Variants in CCDC15 observed in about 807,000 individuals in gnomAD.
The protein encoded by CCDC15 is coiled-coil domain-containing protein 15.
A neutral mutation model predicts 114.5 loss-of-function variants in CCDC15; 105 were observed. That is an observed-to-expected ratio of 0.92 (90% CI 0.78 to 1.08). CCDC15 has a LOEUF of 1.08. Among genes scored for constraint, CCDC15 ranks in the 50% least tolerant of loss-of-function variants. CCDC15 has a pLI of 0.00. For synonymous variants in CCDC15, 334 were observed against 377.8 expected (o/e 0.88, Z 1.34); for missense variants, 1,105 against 1,093.6 (o/e 1.01, Z -0.15).
intron 4 of CCDC15, among the ~76,000 whole-genome samples, chr11:124,971,860 A>T (rs891868068): frequency 6.6e-6 from 1 of 152,130 alleles, no homozygotes; most frequent in Non-Finnish European, 1.5e-5. Context: ...TAATTAAAAA[A>T]AATTTAGGCA....
intron 13 of CCDC15, among the ~76,000 whole-genome samples, chr11:125,024,700 T>A (rs941613255): frequency 3.3e-5 from 5 of 152,082 alleles, no homozygotes; most frequent in Non-Finnish European, 7.4e-5. Context: ...GTGGGTTTTT[T>A]ACTTGGTGAT....
intron 4 of CCDC15, among the ~76,000 whole-genome samples, chr11:124,965,784 A>G (rs1380368273): frequency 2.6e-5 from 4 of 152,208 alleles, no homozygotes; most frequent in East Asian, 1.9e-4. Context: ...ATTTAGTGCT[A>G]TAAATTTCCC....
chr11:125,018,765 G>A (rs1376030050), intron 13 of CCDC15, among the ~76,000 whole-genome samples: 1 of 151,976 alleles, frequency 6.6e-6, no homozygotes, highest in African/African-American at 2.4e-5. Flanking sequence ...TCATGAGAAG[G>A]AAAAAAGTAC....
intron 4 of CCDC15, among the ~76,000 whole-genome samples, chr11:124,970,874 C>G (rs759158026): frequency 2.0e-4 from 30 of 152,220 alleles, no homozygotes; most frequent in Non-Finnish European, 3.2e-4. Flanking sequence ...ATTTAAATCT[C>G]AAAATTTATA....
intron 4 of CCDC15, among the ~76,000 whole-genome samples, chr11:124,967,104 A>G (rs901522336): frequency 6.6e-6 from 1 of 152,048 alleles, no homozygotes; most frequent in Non-Finnish European, 1.5e-5. Context: ...GAATCTGACA[A>G]TTATGTGTTT....
intron 2 of CCDC15, among the ~76,000 whole-genome samples, chr11:124,956,195 T>A (rs543673181): frequency 4.3e-4 from 66 of 152,308 alleles, no homozygotes; most frequent in African/African-American, 1.5e-3. Flanking sequence ...CAGTGTTTTC[T>A]TTAGATGAAT....
rs1948301102 is a variant in CCDC15 at position 124,993,224 on chromosome 11, A to T, written c.2195A>T (p.Asn732Ile). The change falls in exon 11 of 16, where the codon AAT becomes ATT. Residue 732 changes from asparagine (N) to isoleucine (I), a missense_variant. Transcript: ENST00000344762. ...SFEKWEIARG[N>I]TPGVPLAYDR... ...GAGAAATGGGAGATTGCAAGAGGAA[A>T]TACTCCTGGAGTGCCCTTGGTATGT... 1 of 1,604,378 alleles carries T rather than the reference A, an allele frequency of 6.2e-7. No individual in the cohort carries two copies. Among genetic ancestry groups the T allele is most frequent in the Non-Finnish European group, 8.5e-7 (1 of 1,173,218 alleles).
intron 13 of CCDC15, among the ~76,000 whole-genome samples, chr11:125,007,477 T>C (rs1024705532): frequency 1.1e-4 from 17 of 152,242 alleles, no homozygotes; most frequent in African/African-American, 4.1e-4. Context: ...TGTGTCCCTC[T>C]GTTGAAGACA....
rs564800286 is a variant in CCDC15, at chr11:124,998,746, T to C, written c.2215-5121T>C. On this transcript the variant is annotated intron_variant, in intron 11 of 15. Coordinates refer to ENST00000344762, the MANE Select transcript of CCDC15 (RefSeq NM_025004.3). The stretch of plus-strand genomic sequence containing the variant: ...CTTGAGAGAGTCTCTACTTTTTTTT[T>C]TTTTTTTTGGAGACAGAGTCTCACT... 1.6e-3 allele frequency among the ~76,000 whole-genome samples: 239 copies of C among 151,326 alleles called. 10 individuals carry two copies. The South Asian group carries it at 0.048, about 30-fold the overall frequency.
At chr11:124,980,556 A>G (rs1253118599) in intron 6 of CCDC15, among the ~76,000 whole-genome samples, 2 of 152,182 alleles carry the variant, frequency 1.3e-5, no homozygotes, top group African/African-American at 4.8e-5. Context: ...GCTTGTGTGC[A>G]TAGAGGTGTT....
At chr11:124,970,178 C>T (rs116780329) in intron 4 of CCDC15, among the ~76,000 whole-genome samples, 30 of 152,236 alleles carry the variant, frequency 2.0e-4, no homozygotes, top group African/African-American at 7.2e-4. Flanking sequence ...ACTTGAGGAC[C>T]CGTTAGCCTC....
intron 2 of CCDC15, among the ~76,000 whole-genome samples, chr11:124,957,280 A>G (rs1279238072): frequency 6.6e-6 from 1 of 152,208 alleles, no homozygotes; most frequent in Admixed American, 6.5e-5. Flanking sequence ...ACAATAGTCA[A>G]GTTCTCCCAG....
chr11:125,018,482 C>A (rs760776655), intron 13 of CCDC15, among the ~76,000 whole-genome samples: 1 of 151,944 alleles, frequency 6.6e-6, no homozygotes, highest in Non-Finnish European at 1.5e-5. Context: ...GGAAATAGAT[C>A]ATTATAATAC....
intron 11 of CCDC15, among the ~76,000 whole-genome samples, chr11:124,994,196 C>T (rs769146028): frequency 2.6e-5 from 4 of 152,140 alleles, no homozygotes; most frequent in African/African-American, 7.2e-5. Context: ...AGCTGAAAGA[C>T]GGCCACAGGA....
chr11:124,977,587 A>T lies in CCDC15; in HGVS notation c.740A>T (p.Tyr247Phe), dbSNP rs1260478721. The T allele has an allele frequency of 1.1e-5, 17 of 1,603,186 alleles. No homozygotes were observed. Among genetic ancestry groups the T allele is most frequent in the Non-Finnish European group, 1.4e-5 (17 of 1,175,598 alleles). Residue 247 changes from tyrosine (Y) to phenylalanine (F), a missense_variant, in exon 6 of 16, where the codon TAT becomes TTT. Tyr to Phe is a conservative substitution (Grantham distance 22). Transcript: ENST00000344762. ...GLLAAVPYQN[Y>F]MENQELDYEE... ...TTAGCTGCTGTACCTTACCAGAATT[A>T]TATGGAAAATCAGGTAGGGAAATAT... is the stretch of plus-strand genomic sequence containing the variant.
intron 13 of CCDC15, among the ~76,000 whole-genome samples, chr11:125,026,170 G>T (rs1310679156): frequency 6.6e-6 from 1 of 152,170 alleles, no homozygotes; most frequent in African/African-American, 2.4e-5. Flanking sequence ...GGCCTAGACA[G>T]CCTTTCAAGT....
chr11:124,968,125 G>A (rs946373263), intron 4 of CCDC15, among the ~76,000 whole-genome samples: 2 of 152,212 alleles, frequency 1.3e-5, no homozygotes, highest in Non-Finnish European at 2.9e-5. Context: ...CCCACTTGAG[G>A]AGGCAGTATG....
intron 6 of CCDC15, among the ~76,000 whole-genome samples, chr11:124,984,401 G>T (rs1948123026): frequency 6.6e-6 from 1 of 152,084 alleles, no homozygotes; most frequent in Admixed American, 6.5e-5. Flanking sequence ...CCCTGGGAGA[G>T]GCTGGTAGAC....
At chr11:124,968,377 C>G (rs979489398) in intron 4 of CCDC15, among the ~76,000 whole-genome samples, 4 of 152,218 alleles carry the variant, frequency 2.6e-5, no homozygotes, top group Admixed American at 6.5e-5. Flanking sequence ...CGCCCCTCCT[C>G]CAGCCAGGCT....
Sources: allele counts gnomAD v4.1 joint callset (sites outside exome capture counted in the v4.1 genomes callset), GRCh38; gene constraint gnomAD v4.1.1; transcripts MANE v1.5; gene names NCBI Gene and HGNC (gene_info 2026-07-23, HGNC 2026-07-21).